The following DCC variants were observed in gnomAD, a reference collection of about 807,000 sequenced individuals.
DCC encodes the protein netrin receptor DCC.
Under a neutral mutation model 172.5 loss-of-function variants are expected in DCC, and 58 were observed. The ratio of observed to expected loss-of-function variants is 0.34; its 90% confidence interval spans 0.27 to 0.42. DCC has a LOEUF of 0.42. DCC is among the 10% of genes least tolerant of loss of function. The pLI is 1.00. For missense variants in DCC, 1,740 were observed against 1,791.0 expected, an observed-to-expected ratio of 0.97 and a Z score of 0.51; for synonymous variants, 709 against 644.5, an observed-to-expected ratio of 1.10 and a Z score of -1.52.
chr18:52,652,733 T>TGTGTGTGC (rs1487771861), intron 1 of DCC, among the ~76,000 whole-genome samples: 2 of 151,714 alleles, frequency 1.3e-5, no homozygotes, highest in African/African-American at 4.8e-5. Flanking sequence ...TGTGTGTGTG[T>TGTGTGTGC]GTGTGTGGGT....
intron 7 of DCC, among the ~76,000 whole-genome samples, chr18:53,087,443 G>A (rs1599117335): frequency 1.3e-5 from 2 of 151,332 alleles, no homozygotes; most frequent in Non-Finnish European, 3.0e-5. Flanking sequence ...ACTTTTTGAT[G>A]GGGTTGTTTG....
In DCC at chr18:53,066,113, A is replaced by G; in HGVS notation, c.1208A>G (p.Glu403Gly). ...SDEGFYQCVAENEAGNAQTSA... is the reference protein window; with the variant it reads ...SDEGFYQCVAGNEAGNAQTSA... ...GAAGGCTTTTATCAATGTGTGGCTG[A>G]AAATGAGGCTGGAAATGCCCAGACC... The change falls in exon 7 of 29, where the codon GAA becomes GGA. Residue 403 changes from glutamate to glycine, a missense_variant. This residue lies in a region of DCC where 1,732 missense variants were observed against 1,767.4 expected (regional missense o/e 0.98). Coordinates refer to ENST00000442544, the MANE Select transcript of DCC (RefSeq NM_005215.4). 6.2e-7 allele frequency: 1 copy of G among 1,613,396 alleles called. No homozygotes were observed. The highest frequency in any genetic ancestry group is 8.5e-7 in the Non-Finnish European group (1 of 1,179,542).
At chr18:53,424,233 A>G (rs906212142) in intron 21 of DCC, among the ~76,000 whole-genome samples, 1 of 152,210 alleles carries the variant, frequency 6.6e-6, no homozygotes, top group African/African-American at 2.4e-5. Context: ...TTCTGAGTAC[A>G]GAAAGGAGAA....
intron 5 of DCC, among the ~76,000 whole-genome samples, chr18:53,063,045 G>GT (rs539248943): frequency 1.4e-3 from 206 of 149,174 alleles, no homozygotes; most frequent in African/African-American, 3.9e-3. Flanking sequence ...TATTATGTAT[G>GT]TTTTTTTTTT....
Position 53,454,090 on chromosome 18 carries a change from G to A in DCC, c.3392+3428G>A, listed in dbSNP as rs530686173. Among the ~76,000 whole-genome samples, 27 of 152,324 alleles carry A rather than the reference G, an allele frequency of 1.8e-4. 1 individual carries two copies. The South Asian group carries it at 5.4e-3, about 30-fold the overall frequency. ...TGAAAACTTAAGGCTGGACACACCT[G>A]TAACCCCAGCCTTTTGGGAGGCCAA... On this transcript the variant is annotated intron_variant, in intron 23 of 28. Coordinates refer to ENST00000442544, the MANE Select transcript of DCC (RefSeq NM_005215.4).
chr18:52,926,827 A>G (rs1048340128), intron 5 of DCC, among the ~76,000 whole-genome samples: 1 of 113,004 alleles, frequency 8.8e-6, no homozygotes, highest in African/African-American at 3.2e-5. Context: ...GTATATATAC[A>G]TATACATACA....
intron 15 of DCC, among the ~76,000 whole-genome samples, chr18:53,371,376 G>A (rs2058058830): frequency 6.6e-6 from 1 of 151,926 alleles, no homozygotes; most frequent in Non-Finnish European, 1.5e-5. Context: ...CAAAGAAGTG[G>A]GACTGGTGAG....
intron 1 of DCC, among the ~76,000 whole-genome samples, chr18:52,498,450 C>T (rs949495582): frequency 7.9e-5 from 12 of 151,998 alleles, no homozygotes; most frequent in African/African-American, 2.4e-4. Flanking sequence ...ATGGTGAATA[C>T]CTGTCTCTAC....
chr18:52,780,386 A>C (rs79335626), intron 2 of DCC, among the ~76,000 whole-genome samples: 5 of 152,156 alleles, frequency 3.3e-5, no homozygotes, highest in African/African-American at 1.2e-4. Flanking sequence ...CTTTCAAAAT[A>C]TATAGTCTCT....
At chr18:53,521,670 A>G (rs2046400448) in intron 27 of DCC, among the ~76,000 whole-genome samples, 1 of 152,056 alleles carries the variant, frequency 6.6e-6, no homozygotes, top group Non-Finnish European at 1.5e-5. Context: ...GTAGATACCT[A>G]TGTTAGAGTG....
At chr18:52,886,878 C>T (rs1488346913) in intron 2 of DCC, among the ~76,000 whole-genome samples, 1 of 151,964 alleles carries the variant, frequency 6.6e-6, no homozygotes, top group African/African-American at 2.4e-5. Flanking sequence ...ACTCTGCTCT[C>T]CTCTTCCTTT....
At chr18:53,450,877 C>T (rs927521550) in intron 23 of DCC, among the ~76,000 whole-genome samples, 1 of 152,136 alleles carries the variant, frequency 6.6e-6, no homozygotes, top group Non-Finnish European at 1.5e-5. Flanking sequence ...CTGGGACCCA[C>T]TTATATTTCT....
At chr18:53,180,094 G>T (rs1390912819) in intron 9 of DCC, among the ~76,000 whole-genome samples, 1 of 152,114 alleles carries the variant, frequency 6.6e-6, no homozygotes, top group South Asian at 2.1e-4. Flanking sequence ...ATTTTAACTG[G>T]TAATTGTGAG....
intron 7 of DCC, among the ~76,000 whole-genome samples, chr18:53,076,320 T>C (rs962990528): frequency 1.3e-5 from 2 of 152,156 alleles, no homozygotes; most frequent in African/African-American, 4.8e-5. Context: ...AGCAGTTTCA[T>C]ACCTACTTTA....
chr18:52,410,991 A>T (rs759569910), intron 1 of DCC, among the ~76,000 whole-genome samples: 4 of 152,172 alleles, frequency 2.6e-5, no homozygotes, highest in Non-Finnish European at 5.9e-5. Flanking sequence ...GACTGGTTCC[A>T]GGATATTTTT....
intron 1 of DCC, among the ~76,000 whole-genome samples, chr18:52,643,137 A>G (rs1300382658): frequency 1.3e-5 from 2 of 152,216 alleles, no homozygotes; most frequent in Admixed American, 6.5e-5. Context: ...AAAAGCTTCA[A>G]AAAAGGGAGA....
chr18:52,565,737 G>T (rs200580407), intron 1 of DCC, among the ~76,000 whole-genome samples: 2 of 152,216 alleles, frequency 1.3e-5, no homozygotes, highest in Middle Eastern at 3.4e-3. Flanking sequence ...CTGGATATTA[G>T]TCCTTTGTCA....
At chr18:53,230,953 T>C (rs772377338) in intron 12 of DCC, among the ~76,000 whole-genome samples, 5 of 151,884 alleles carry the variant, frequency 3.3e-5, no homozygotes, top group East Asian at 1.9e-4. Context: ...TATGCAGATA[T>C]GTAGATTTGC....
chr18:52,405,442 T>C (rs1355518928), intron 1 of DCC, among the ~76,000 whole-genome samples: 2 of 143,418 alleles, frequency 1.4e-5, no homozygotes, highest in African/African-American at 5.0e-5. Context: ...CATGTGTTTT[T>C]TGGCTGCATA....
Sources: gnomAD v4.1 joint callset for allele counts (sites outside exome capture counted in the v4.1 genomes callset) on GRCh38, gnomAD v4.1.1 for gene constraint, gnomAD v4.1.1 regional missense constraint, MANE v1.5 for transcripts, NCBI Gene and HGNC (gene_info 2026-07-23, HGNC 2026-07-21) for gene names.